GSDMC: variants seen among roughly 807,000 people sequenced by gnomAD.
GSDMC encodes the protein gasdermin C, also known as gasdermin-C.
A neutral mutation model predicts 58.0 loss-of-function variants in GSDMC; 59 were observed. The ratio of observed to expected loss-of-function variants is 1.02; its 90% confidence interval spans 0.82 to 1.26. The LOEUF is 1.26. GSDMC is among the 50% of genes most tolerant of loss of function. GSDMC has a pLI of 0.00. For missense variants in GSDMC, 659 were observed against 598.5 expected, an observed-to-expected ratio of 1.10 and a Z score of -1.06; for synonymous variants, 241 against 220.2, an observed-to-expected ratio of 1.09 and a Z score of -0.83.
chr8:129,716,169 A>C, the GSDMC span, among the ~76,000 whole-genome samples: 1 of 152,236 alleles, frequency 6.6e-6, no homozygotes, highest in African/African-American at 2.4e-5. Flanking sequence ...CAAGAATCCC[A>C]TTAAATGTAA....
chr8:129,736,590 C>T, the GSDMC span, among the ~76,000 whole-genome samples: 1 of 152,100 alleles, frequency 6.6e-6, no homozygotes, highest in African/African-American at 2.4e-5. Flanking sequence ...ATTCAACAGC[C>T]CATCATGCTA....
intron 6 of GSDMC, 100 bp from the exon 7 acceptor site, chr8:129,752,920 G>A: frequency 6.4e-7 from 1 of 1,559,412 alleles, no homozygotes; most frequent in Non-Finnish European, 8.7e-7. Flanking sequence ...CTCAATCAGT[G>A]CCAGTGCACG....
downstream of GSDMC, among the ~76,000 whole-genome samples, chr8:129,747,556 A>C (rs1193692188): frequency 1.3e-5 from 2 of 152,236 alleles, no homozygotes; most frequent in Non-Finnish European, 2.9e-5. Flanking sequence ...GAGACGTCAT[A>C]TTTAAAATCT....
chr8:129,713,196 C>A, the GSDMC span, among the ~76,000 whole-genome samples: 14 of 152,350 alleles, frequency 9.2e-5, no homozygotes, highest in African/African-American at 2.9e-4. Context: ...GCACAATGCT[C>A]CAAGAGCTGA....
chr8:129,782,862 G>A (rs1229693357), intron 1 of GSDMC, among the ~76,000 whole-genome samples: 2 of 151,102 alleles, frequency 1.3e-5, no homozygotes, highest in East Asian at 1.9e-4. Flanking sequence ...CATTCTATGA[G>A]GCCAATATTA....
At chr8:129,777,313 T>C in intron 2 of GSDMC, 55 bp downstream of exon 2, 1 of 1,094,402 alleles carries the variant, frequency 9.1e-7, no homozygotes, top group South Asian at 1.3e-5. Context: ...GGCCATCTTT[T>C]TCTGACCACA....
the GSDMC span, among the ~76,000 whole-genome samples, chr8:129,737,710 T>C: frequency 6.6e-6 from 1 of 152,156 alleles, no homozygotes; most frequent in African/African-American, 2.4e-5. Context: ...ATAAAAACTC[T>C]AGAAGAAAAC....
chr8:129,772,980 A>G (rs926103846), intron 3 of GSDMC, among the ~76,000 whole-genome samples: 3 of 152,232 alleles, frequency 2.0e-5, no homozygotes, highest in East Asian at 1.9e-4. Flanking sequence ...ATCAATAAAT[A>G]TAATACACCA....
chr8:129,780,909 G>C (rs992177991), intron 1 of GSDMC, among the ~76,000 whole-genome samples: 1 of 147,246 alleles, frequency 6.8e-6, no homozygotes, highest in Non-Finnish European at 1.5e-5. Flanking sequence ...TTAGAATGTA[G>C]AGTTTTTATT....
At chr8:129,723,419 CT>C in the GSDMC span, among the ~76,000 whole-genome samples, 1,060 of 133,272 alleles carry the variant, frequency 8.0e-3, 10 homozygotes, top group African/African-American at 0.022. Context: ...TTTTCTTCTC[CT>C]TTTTTTTTTT....
Position 129,751,797 on chromosome 8 carries a change from G to C in GSDMC, c.916+65C>G, listed in dbSNP as rs2033203072. ...GGCAAAGGCGAGGCAGGGGCAATCT[G>C]CCCTACTTACCCCATGTGTGCAGGA... On this transcript the variant is annotated intron_variant, in intron 9 of 13. Transcript: ENST00000276708. 10 of 1,506,488 alleles carry C rather than the reference G, an allele frequency of 6.6e-6. No individual in the cohort carries two copies. The South Asian group carries it at 1.1e-4, about 17-fold the overall frequency. 93.3% of individuals were successfully genotyped at this position (1,506,488 alleles called of 1,614,324 possible). A position where few individuals can be genotyped will look rare whatever the true frequency, so the allele number is the denominator to read the frequency against.
intron 13 of GSDMC, 21 bp downstream of exon 13, chr8:129,749,431 T>C (rs2033078499): frequency 1.3e-6 from 2 of 1,550,302 alleles, no homozygotes; most frequent in Non-Finnish European, 1.8e-6. Flanking sequence ...CCTGAACTTC[T>C]GGCCCCTGGG....
chr8:129,785,314 C>T (rs2034526095), intron 1 of GSDMC, among the ~76,000 whole-genome samples: 2 of 148,480 alleles, frequency 1.3e-5, no homozygotes, highest in Non-Finnish European at 3.0e-5. Flanking sequence ...AATGTTCTCA[C>T]TTATTTATGA....
At chr8:129,751,591 A>T (rs767017791) in intron 9 of GSDMC, 23 bp from the exon 10 acceptor site, 1 of 1,609,818 alleles carries the variant, frequency 6.2e-7, no homozygotes, top group South Asian at 1.1e-5. Flanking sequence ...TCAAGTCATC[A>T]TCTCACTTCC....
chr8:129,781,265 A>G (rs2034399469), intron 1 of GSDMC, among the ~76,000 whole-genome samples: 1 of 152,192 alleles, frequency 6.6e-6, no homozygotes, highest in Admixed American at 6.5e-5. Context: ...ACAAGACCCA[A>G]TGATCTGTTA....
intron 5 of GSDMC, 38 bp downstream of exon 5, chr8:129,762,588 C>G (rs746987780): frequency 8.3e-7 from 1 of 1,205,062 alleles, no homozygotes; most frequent in South Asian, 1.2e-5. Flanking sequence ...GACACCCCCT[C>G]CACTGCCATC....
At chr8:129,757,482 A>AT (rs1434942158) in intron 6 of GSDMC, among the ~76,000 whole-genome samples, 1 of 152,106 alleles carries the variant, frequency 6.6e-6, no homozygotes. Flanking sequence ...TTAAAGTAAA[A>AT]TATGAATACT....
In GSDMC at chr8:129,776,290, G is replaced by A; in HGVS notation, c.221-5C>T. 1 of 1,592,910 alleles carries A rather than the reference G, an allele frequency of 6.3e-7. No individual in the cohort carries two copies. The highest frequency in any genetic ancestry group is 1.1e-5 in the South Asian group (1 of 87,346). On this transcript the variant is annotated splice_polypyrimidine_tract_variant and splice_region_variant and intron_variant, in intron 2 of 13. Coordinates refer to ENST00000276708, the MANE Select transcript of GSDMC (RefSeq NM_031415.3). ...ACGGTCCTGTCACAACAGTTTCTGGGGAAAGAAAAGACGACCATAGGTTTA... is the reference window on the plus strand; with the variant it reads ...ACGGTCCTGTCACAACAGTTTCTGGAGAAAGAAAAGACGACCATAGGTTTA...
chr8:129,727,779 G>A, the GSDMC span, among the ~76,000 whole-genome samples: 5 of 152,316 alleles, frequency 3.3e-5, no homozygotes, highest in East Asian at 9.7e-4. Context: ...TAGGGTAGGA[G>A]CCTCCACAGT....
Sources: gnomAD v4.1 joint callset for allele counts (sites outside exome capture counted in the v4.1 genomes callset) on GRCh38, gnomAD v4.1.1 for gene constraint, MANE v1.5 for transcripts, NCBI Gene and HGNC (gene_info 2026-07-23, HGNC 2026-07-21) for gene names.